The following KCTD9 variants were observed in gnomAD, a reference collection of about 807,000 sequenced individuals.
The protein encoded by KCTD9 is potassium channel tetramerization domain containing 9.
In KCTD9, 17 loss-of-function variants were observed where a neutral mutation model predicts 53.3. The observed-to-expected ratio is 0.32, with a 90% confidence interval of 0.22 to 0.48. KCTD9 has a LOEUF of 0.48. Ranked by LOEUF, KCTD9 falls within the 20% of genes least tolerant of loss-of-function variation. The probability of loss-of-function intolerance (pLI) is 0.99; values close to 1 mark genes in which losing one functional copy is unlikely to be tolerated. For missense variants in KCTD9, 179 were observed against 465.5 expected, an observed-to-expected ratio of 0.38 and a Z score of 5.66; for synonymous variants, 128 against 162.7, an observed-to-expected ratio of 0.79 and a Z score of 1.62.
At chr8:25,434,377 C>A (rs1302809909) in intron 9 of KCTD9, among the ~76,000 whole-genome samples, 1 of 152,176 alleles carries the variant, frequency 6.6e-6, no homozygotes, top group Non-Finnish European at 1.5e-5. Context: ...CAGGCATGAT[C>A]CACCACACGC....
At chr8:25,446,729 T>C (rs986051946) in intron 1 of KCTD9, among the ~76,000 whole-genome samples, 4 of 152,220 alleles carry the variant, frequency 2.6e-5, no homozygotes, top group Non-Finnish European at 5.9e-5. Context: ...TATTATTTAT[T>C]TATTTGAATG....
intron 1 of KCTD9, chr8:25,457,347 G>T: frequency 1.0e-6 from 1 of 984,398 alleles, no homozygotes; most frequent in Non-Finnish European, 1.2e-6. Flanking sequence ...ATTTAGCAAC[G>T]CAATAAATGT....
chr8:25,449,114 T>C (rs941203584), intron 1 of KCTD9, among the ~76,000 whole-genome samples: 2 of 151,864 alleles, frequency 1.3e-5, no homozygotes, highest in African/African-American at 4.8e-5. Flanking sequence ...ATGAAGAGAG[T>C]AAAGACAGAG....
At chr8:25,430,844 A>C (rs55994273) in intron 11 of KCTD9, among the ~76,000 whole-genome samples, 1 of 124,924 alleles carries the variant, frequency 8.0e-6, no homozygotes, top group African/African-American at 3.2e-5. Flanking sequence ...CACACACACA[A>C]TTTTTTTTTT....
In KCTD9 at chr8:25,457,219, T is replaced by C. The variant is rs547075151; in HGVS notation, c.48+980A>G. ...TTAATGCCACTGGACAATTTCACTA[T>C]TTAAAAATTTACAGTGTTCCCCGAA... On this transcript the variant is annotated intron_variant, in intron 1 of 11. Transcript: ENST00000221200. 8 of 267,124 alleles carry C rather than the reference T, an allele frequency of 3.0e-5. No homozygotes were observed. The South Asian group carries it at 1.1e-3, about 38-fold the overall frequency. 16.5% of individuals were successfully genotyped at this position (267,124 alleles called of 1,614,324 possible). A position where few individuals can be genotyped will look rare whatever the true frequency, so the allele number is the denominator to read the frequency against.
At chr8:25,441,366 G>A (rs1036814567) in intron 3 of KCTD9, among the ~76,000 whole-genome samples, 3 of 152,038 alleles carry the variant, frequency 2.0e-5, no homozygotes, top group African/African-American at 4.8e-5. Flanking sequence ...ATATAAAAAT[G>A]AGCAATACAA....
chr8:25,456,301 T>C (rs908633643), intron 1 of KCTD9, among the ~76,000 whole-genome samples: 5 of 152,254 alleles, frequency 3.3e-5, no homozygotes, highest in African/African-American at 9.6e-5. Flanking sequence ...TCTATTCTAT[T>C]TGAGTAGCAC....
At chr8:25,432,470 G>A (rs770610831) in intron 11 of KCTD9, 34 bp downstream of exon 11, 1 of 1,589,120 alleles carries the variant, frequency 6.3e-7, no homozygotes, top group Non-Finnish European at 8.6e-7. Context: ...TAAGTCTAGA[G>A]TAATAAAAAT....
At position 25,446,396 on chromosome 8, in the gene KCTD9, C is replaced by T. The variant is rs1479871598; in HGVS notation, c.49-146G>A. On this transcript the variant is annotated intron_variant, in intron 1 of 11. Coordinates refer to ENST00000221200, the MANE Select transcript of KCTD9 (RefSeq NM_017634.4). ...GTTCTTAACAGTGCCCCCTTTTCTT[C>T]CATGACTCATTTATTCACTTGGTGC... 7 of 871,504 alleles carry T rather than the reference C, an allele frequency of 8.0e-6. No individual in the cohort carries two copies. The South Asian group carries it at 1.1e-4, about 13-fold the overall frequency. 54.0% of individuals were successfully genotyped at this position (871,504 alleles called of 1,614,324 possible).
At chr8:25,458,132 G>A in intron 1 of KCTD9, 67 bp downstream of exon 1, 4 of 1,447,654 alleles carry the variant, frequency 2.8e-6, no homozygotes, top group African/African-American at 1.4e-5. Context: ...TGCCCCGCCA[G>A]CCGGTTCCGC....
chr8:25,458,225 G>C lies in KCTD9; in HGVS notation c.22C>G (p.Leu8Val). MRRVTLFLNGSPKNGKVV... is the reference protein window; with the variant it reads MRRVTLFVNGSPKNGKVV... The stretch of plus-strand genomic sequence containing the variant: ...TTTCCGTTCTTGGGGCTGCCGTTCA[G>C]GAACAGGGTCACCCGCCTCATCGCG... The change falls in exon 1 of 12, where the codon CTG (leucine) becomes GTG (valine). Residue 8 changes from leucine to valine, a missense_variant. Leu to Val is a conservative substitution (Grantham distance 32). Coordinates refer to ENST00000221200, the MANE Select transcript of KCTD9 (RefSeq NM_017634.4). 6.2e-7 allele frequency: 1 copy of C among 1,602,296 alleles called. No homozygotes were observed. The highest frequency in any genetic ancestry group is 8.5e-7 in the Non-Finnish European group (1 of 1,175,494).
At chr8:25,457,834 G>C (rs1025380304) in intron 1 of KCTD9, 3 of 177,428 alleles carry the variant, frequency 1.7e-5, no homozygotes, top group Non-Finnish European at 3.5e-5. Flanking sequence ...TCCCGCAGGC[G>C]GGAGCGGGGT....
intron 1 of KCTD9, among the ~76,000 whole-genome samples, chr8:25,453,431 G>A (rs577639894): frequency 5.3e-5 from 8 of 151,924 alleles, no homozygotes; most frequent in Non-Finnish European, 1.2e-4. Context: ...TGAGGCTGGC[G>A]GATCACGAAG....
intron 1 of KCTD9, 58 bp downstream of exon 1, chr8:25,458,141 G>A: frequency 1.4e-6 from 2 of 1,476,862 alleles, no homozygotes; most frequent in Non-Finnish European, 9.2e-7. Context: ...AGCCGGTTCC[G>A]CACCGTCCGC....
At chr8:25,434,430 T>C (rs1801983259) in intron 9 of KCTD9, among the ~76,000 whole-genome samples, 1 of 137,886 alleles carries the variant, frequency 7.3e-6, no homozygotes, top group Non-Finnish European at 1.6e-5. Context: ...CAAAGCGTTT[T>C]TGACAAACAT....
intron 6 of KCTD9, among the ~76,000 whole-genome samples, chr8:25,437,332 C>T (rs533989579): frequency 8.5e-5 from 13 of 152,260 alleles, no homozygotes; most frequent in African/African-American, 3.1e-4. Context: ...AGCCAGGATA[C>T]GTTTCCAATT....
chr8:25,438,304 CTT>C (rs34836158), intron 6 of KCTD9, among the ~76,000 whole-genome samples: 328 of 139,160 alleles, frequency 2.4e-3, no homozygotes, highest in Middle Eastern at 3.6e-3. Context: ...CAAATAATAT[CTT>C]TTTTTTTTTT....
chr8:25,430,553 T>A (rs1801908053), intron 11 of KCTD9, among the ~76,000 whole-genome samples: 1 of 152,186 alleles, frequency 6.6e-6, no homozygotes, highest in African/African-American at 2.4e-5. Context: ...GATGGGACTG[T>A]CTAGTTGCAA....
At chr8:25,446,282 T>C in intron 1 of KCTD9, 32 bp from the exon 2 acceptor site, 1 of 1,609,260 alleles carries the variant, frequency 6.2e-7, no homozygotes, top group Non-Finnish European at 8.5e-7. Flanking sequence ...ATGAACAATT[T>C]CTTTAATACA....
Sources: gnomAD v4.1 joint callset for allele counts (sites outside exome capture counted in the v4.1 genomes callset) on GRCh38, gnomAD v4.1.1 for gene constraint, MANE v1.5 for transcripts, NCBI Gene and HGNC (gene_info 2026-07-23, HGNC 2026-07-21) for gene names.